The following DENND4C variants were observed in gnomAD, a reference collection of about 807,000 sequenced individuals.
DENND4C encodes DENN domain containing 4C.
DENND4C carries 108 observed loss-of-function variants against 203.0 expected under a neutral mutation model. The ratio of observed to expected loss-of-function variants is 0.53; its 90% CI spans 0.46 to 0.62. DENND4C has a LOEUF of 0.62. Among genes scored for constraint, DENND4C ranks in the 20% least tolerant of loss-of-function variants. DENND4C has a pLI of 0.00. For synonymous variants in DENND4C, 871 were observed against 792.4 expected (o/e 1.10, Z -1.67); for missense variants, 2,481 against 2,301.2 (o/e 1.08, Z -1.60).
At chr9:19,261,572 G>A (rs1233474405) in intron 1 of DENND4C, among the ~76,000 whole-genome samples, 4 of 150,970 alleles carry the variant, frequency 2.6e-5, no homozygotes, top group Non-Finnish European at 4.4e-5. Context: ...GCACAATCAC[G>A]GCTCACTGCA....
intron 10 of DENND4C, among the ~76,000 whole-genome samples, chr9:19,308,413 A>T (rs1840102099): frequency 1.3e-5 from 2 of 152,218 alleles, no homozygotes; most frequent in Admixed American, 1.3e-4. Flanking sequence ...CATTTCCTTT[A>T]TTAGTAGCAA....
chr9:19,230,814 G>A lies in DENND4C; in HGVS notation c.-37G>A, dbSNP rs1396630060. On this transcript the variant is annotated 5_prime_UTR_variant, in exon 1 of 33. Coordinates refer to ENST00000434457, the MANE Select transcript of DENND4C (RefSeq NM_001330640.2). Reference sequence around the variant, plus strand: ...GAAGAAGCCGTGTCGGGGCTGCGCTGACAGAGGAGCAGGCAGCAGGTGAGG... The same window carrying A: ...GAAGAAGCCGTGTCGGGGCTGCGCTAACAGAGGAGCAGGCAGCAGGTGAGG... The A allele has an allele frequency of 1.3e-5, 2 of 152,524 alleles. No homozygotes were observed. The highest frequency in any genetic ancestry group is 2.9e-5 in the Non-Finnish European group (2 of 68,272). The allele number at this position is 152,524 out of a possible 1,614,324, so 9.4% of individuals were successfully genotyped here.
intron 2 of DENND4C, among the ~76,000 whole-genome samples, chr9:19,277,586 G>A (rs568738996): frequency 2.6e-5 from 4 of 151,974 alleles, no homozygotes; most frequent in Admixed American, 2.0e-4. Context: ...TAAATATATA[G>A]GATCATGTCA....
intron 16 of DENND4C, among the ~76,000 whole-genome samples, chr9:19,328,657 G>GTCTGTCTGTCTGTCTATCTA (rs1456677474): frequency 4.2e-5 from 5 of 119,306 alleles, no homozygotes; most frequent in African/African-American, 1.8e-4. Flanking sequence ...CTGTCTGTCT[G>GTCTGTCTGTCTGTCTATCTA]TCTATCTATC....
chr9:19,240,996 C>T (rs985417515), intron 1 of DENND4C, among the ~76,000 whole-genome samples: 1 of 152,026 alleles, frequency 6.6e-6, no homozygotes, highest in Non-Finnish European at 1.5e-5. Flanking sequence ...CAGAACAGAA[C>T]GGAACACAGA....
intron 26 of DENND4C, among the ~76,000 whole-genome samples, chr9:19,353,310 T>G (rs1051479389): frequency 6.6e-6 from 1 of 152,120 alleles, no homozygotes; most frequent in African/African-American, 2.4e-5. Flanking sequence ...ATTGAACTTT[T>G]TATTTCCTGC....
chr9:19,257,972 A>G (rs1828397347), intron 1 of DENND4C, among the ~76,000 whole-genome samples: 1 of 151,980 alleles, frequency 6.6e-6, no homozygotes, highest in South Asian at 2.1e-4. Context: ...AAATAAATTA[A>G]CTGGATGTGG....
At chr9:19,259,024 A>G (rs987151970) in intron 1 of DENND4C, among the ~76,000 whole-genome samples, 3 of 152,162 alleles carry the variant, frequency 2.0e-5, no homozygotes, top group South Asian at 2.1e-4. Context: ...ATTTTGATAC[A>G]GGCATACAGT....
At chr9:19,306,619 T>G (rs933060250) in intron 10 of DENND4C, among the ~76,000 whole-genome samples, 1 of 152,068 alleles carries the variant, frequency 6.6e-6, no homozygotes, top group Non-Finnish European at 1.5e-5. Context: ...TTTACCTTAT[T>G]TTATTTTTAT....
At chr9:19,269,601 CAATT>C (rs1354866114) in intron 1 of DENND4C, among the ~76,000 whole-genome samples, 2 of 152,210 alleles carry the variant, frequency 1.3e-5, no homozygotes, top group African/African-American at 2.4e-5. Context: ...GGATTTTAAA[CAATT>C]ATTTCAATCT....
At chr9:19,235,700 TC>T (rs1371252287) in intron 1 of DENND4C, among the ~76,000 whole-genome samples, 3 of 146,588 alleles carry the variant, frequency 2.0e-5, no homozygotes, top group Non-Finnish European at 4.5e-5. Context: ...AAGCTCCTCC[TC>T]CCGGGTTCAT....
intron 5 of DENND4C, among the ~76,000 whole-genome samples, chr9:19,294,280 T>A (rs1404638544): frequency 6.6e-6 from 1 of 151,970 alleles, no homozygotes; most frequent in Non-Finnish European, 1.5e-5. Context: ...CATAATTGGA[T>A]CTAGTATAGG....
intron 1 of DENND4C, among the ~76,000 whole-genome samples, chr9:19,243,421 A>G (rs562032085): frequency 6.6e-6 from 1 of 152,336 alleles, no homozygotes; most frequent in East Asian, 1.9e-4. Flanking sequence ...TGTTCGGCAC[A>G]TTCACAATGT....
chr9:19,314,705 A>T (rs1314550181), intron 10 of DENND4C, among the ~76,000 whole-genome samples: 1 of 152,184 alleles, frequency 6.6e-6, no homozygotes, highest in Non-Finnish European at 1.5e-5. Context: ...ACAAAATAGA[A>T]CCTGATTAAA....
chr9:19,323,309 A>G (rs58739659), intron 12 of DENND4C, among the ~76,000 whole-genome samples: 5,199 of 152,126 alleles, frequency 0.034, 302 homozygotes, highest in African/African-American at 0.12. Context: ...GGGCACCTGT[A>G]ATCCCAGCTA....
intron 1 of DENND4C, among the ~76,000 whole-genome samples, chr9:19,269,080 G>T (rs548701988): frequency 6.6e-6 from 1 of 152,018 alleles, no homozygotes; most frequent in Admixed American, 6.6e-5. Context: ...TCCCTTTTGA[G>T]GCTATTTTCT....
intron 1 of DENND4C, among the ~76,000 whole-genome samples, chr9:19,241,514 CT>C (rs71496809): frequency 4.3e-4 from 61 of 143,192 alleles, no homozygotes; most frequent in Admixed American, 6.4e-4. Context: ...TTTCGTTTTT[CT>C]TTTTTTTTTT....
chr9:19,264,210 T>A (rs1830015083), intron 1 of DENND4C, among the ~76,000 whole-genome samples: 1 of 152,190 alleles, frequency 6.6e-6, no homozygotes, highest in Non-Finnish European at 1.5e-5. Context: ...TGGATGTCAG[T>A]ATGGTTCGGT....
At chr9:19,245,480 T>A (rs9776768) in intron 1 of DENND4C, among the ~76,000 whole-genome samples, 147,983 of 148,086 alleles carry the variant, frequency 1, 73,940 homozygotes, top group Middle Eastern at 1. Context: ...AAAAAAAAAA[T>A]GTGTTCCAGG....
Sources: gnomAD v4.1 joint callset for allele counts (sites outside exome capture counted in the v4.1 genomes callset) on GRCh38, gnomAD v4.1.1 for gene constraint, MANE v1.5 for transcripts, NCBI Gene and HGNC (gene_info 2026-07-23, HGNC 2026-07-21) for gene names.